The following TNFAIP8 variants were observed in gnomAD, a reference collection of about 807,000 sequenced individuals.
TNFAIP8 encodes the protein tumor necrosis factor alpha-induced protein 8.
In TNFAIP8, 7 loss-of-function variants were observed where a neutral mutation model predicts 13.3. The ratio of observed to expected loss-of-function variants is 0.52; its 90% CI spans 0.30 to 0.99. The LOEUF (loss-of-function observed/expected upper bound fraction) is 0.99, where lower values mean the gene tolerates loss of function less well. TNFAIP8 is among the 50% of genes least tolerant of loss of function. The probability of loss-of-function intolerance (pLI) is 0.07; values close to 1 mark genes in which losing one functional copy is unlikely to be tolerated. For synonymous variants in TNFAIP8, 94 were observed against 87.6 expected, an observed-to-expected ratio of 1.07 and a Z score of -0.41; for missense variants, 258 against 236.9, an observed-to-expected ratio of 1.09 and a Z score of -0.58.
intron 1 of TNFAIP8, among the ~76,000 whole-genome samples, chr5:119,309,394 G>C (rs946660871): frequency 2.6e-5 from 4 of 151,872 alleles, no homozygotes; most frequent in African/African-American, 9.7e-5. Context: ...ATCCTTTTTT[G>C]GTTTCTGGAC....
chr5:119,392,671 G>A, intron 1 of TNFAIP8, 145 bp from the exon 2 acceptor site: 1 of 989,350 alleles, frequency 1.0e-6, no homozygotes, highest in Non-Finnish European at 1.4e-6. Context: ...TTTCTGAACA[G>A]AGACTAATGT....
At chr5:119,335,371 A>G (rs1750520866) in intron 1 of TNFAIP8, among the ~76,000 whole-genome samples, 1 of 152,194 alleles carries the variant, frequency 6.6e-6, no homozygotes, top group Admixed American at 6.5e-5. Context: ...AGTCCATGGC[A>G]TGACTGCTGA....
intron 1 of TNFAIP8, among the ~76,000 whole-genome samples, chr5:119,277,499 A>G (rs1040365742): frequency 6.6e-6 from 1 of 152,140 alleles, no homozygotes; most frequent in Non-Finnish European, 1.5e-5. Flanking sequence ...TTGTGCGCAC[A>G]CTTGGCGTCT....
chr5:119,276,337 C>T (rs529696020), intron 1 of TNFAIP8, among the ~76,000 whole-genome samples: 6 of 152,016 alleles, frequency 3.9e-5, no homozygotes, highest in Non-Finnish European at 5.9e-5. Flanking sequence ...AGGCTGGTCT[C>T]GAACTCCTGA....
intron 1 of TNFAIP8, among the ~76,000 whole-genome samples, chr5:119,288,241 G>A (rs1386408481): frequency 6.6e-6 from 1 of 152,052 alleles, no homozygotes; most frequent in Admixed American, 6.5e-5. Context: ...TTTGTACACA[G>A]TTTTTCATGT....
intron 1 of TNFAIP8, among the ~76,000 whole-genome samples, chr5:119,387,873 T>C (rs1350333215): frequency 2.0e-5 from 3 of 152,180 alleles, no homozygotes; most frequent in Non-Finnish European, 4.4e-5. Flanking sequence ...GTGGTAATGC[T>C]TTGTATTTTT....
chr5:119,316,717 A>T (rs991640478), intron 1 of TNFAIP8, among the ~76,000 whole-genome samples: 7 of 152,190 alleles, frequency 4.6e-5, no homozygotes, highest in Admixed American at 1.3e-4. Flanking sequence ...AGGTATCAGT[A>T]TTTTTAAAAC....
chr5:119,344,135 A>G (rs1750822961), intron 1 of TNFAIP8, among the ~76,000 whole-genome samples: 1 of 152,198 alleles, frequency 6.6e-6, no homozygotes, highest in African/African-American at 2.4e-5. Context: ...ATTTATAAAG[A>G]AAAGAGGTTT....
intron 1 of TNFAIP8, among the ~76,000 whole-genome samples, chr5:119,296,389 G>T (rs1265427916): frequency 6.6e-6 from 1 of 151,800 alleles, no homozygotes; most frequent in African/African-American, 2.4e-5. Context: ...ATAATCATGT[G>T]GTTTTTGTCT....
At chr5:119,284,676 A>C (rs1748724689) in intron 1 of TNFAIP8, among the ~76,000 whole-genome samples, 1 of 151,438 alleles carries the variant, frequency 6.6e-6, no homozygotes, top group South Asian at 2.1e-4. Context: ...GCGAGGCTCC[A>C]TCTAGAAAAA....
intron 1 of TNFAIP8, among the ~76,000 whole-genome samples, chr5:119,288,445 T>A (rs1165465123): frequency 6.6e-6 from 1 of 152,220 alleles, no homozygotes; most frequent in Non-Finnish European, 1.5e-5. Context: ...AACAAATGAT[T>A]TGATTGATGT....
intron 1 of TNFAIP8, among the ~76,000 whole-genome samples, chr5:119,284,599 T>G (rs1345666092): frequency 6.6e-6 from 1 of 151,936 alleles, no homozygotes; most frequent in Non-Finnish European, 1.5e-5. Flanking sequence ...GAGAATCGCT[T>G]GAACCCAGGA....
chr5:119,303,045 C>G (rs1384097192), intron 1 of TNFAIP8, among the ~76,000 whole-genome samples: 3 of 152,146 alleles, frequency 2.0e-5, no homozygotes, highest in Non-Finnish European at 2.9e-5. Flanking sequence ...AGCTCCTCCT[C>G]CCTGTTAGAA....
upstream of TNFAIP8, among the ~76,000 whole-genome samples, chr5:119,353,744 G>A (rs1182918326): frequency 6.6e-6 from 1 of 152,188 alleles, no homozygotes; most frequent in Non-Finnish European, 1.5e-5. Flanking sequence ...TATGTGGTTT[G>A]TCCCCAGTTG....
intron 1 of TNFAIP8, among the ~76,000 whole-genome samples, chr5:119,391,658 C>G (rs1752895291): frequency 6.6e-6 from 1 of 151,106 alleles, no homozygotes; most frequent in African/African-American, 2.4e-5. Context: ...ACTCTGGAGA[C>G]TGAGTTGTGA....
At chr5:119,333,306 C>G in intron 1 of TNFAIP8, 1 of 1,178,794 alleles carries the variant, frequency 8.5e-7, no homozygotes, top group South Asian at 3.0e-5. Context: ...TCTGGACTCA[C>G]AATTAAAGGC....
rs1752957661 is a variant in TNFAIP8 at position 119,393,008 on chromosome 5, T to G, written c.224T>G (p.Leu75Arg). The G allele has an allele frequency of 6.2e-7, 1 of 1,613,254 alleles. No individual in the cohort carries two copies. Among genetic ancestry groups the G allele is most frequent in the Non-Finnish European group, 8.5e-7 (1 of 1,179,560 alleles). Residue 75 changes from leucine to arginine, a missense_variant, in exon 2 of 2, where the codon CTC becomes CGC. Coordinates refer to ENST00000504771, the MANE Select transcript of TNFAIP8 (RefSeq NM_014350.4). Reference sequence around the variant, plus strand: ...GAGGCAGAGAAGATCATCAAGAACCTCATCAAGACAGTCATCAAGCTGGCC... The same window carrying G: ...GAGGCAGAGAAGATCATCAAGAACCGCATCAAGACAGTCATCAAGCTGGCC... ...KKEAEKIIKN[L>R]IKTVIKLAIL...
At chr5:119,391,089 C>T (rs535804350) in intron 1 of TNFAIP8, among the ~76,000 whole-genome samples, 8 of 151,862 alleles carry the variant, frequency 5.3e-5, no homozygotes, top group African/African-American at 1.9e-4. Context: ...CTACCTGGGC[C>T]TGCCAATGTG....
rs746088254 is a variant in TNFAIP8 at position 119,392,978 on chromosome 5, A to G, written c.194A>G (p.Lys65Arg). The G allele has an allele frequency of 2.5e-6, 4 of 1,612,638 alleles. No individual in the cohort carries two copies. The South Asian group carries it at 3.3e-5, about 13-fold the overall frequency. The part of the protein sequence containing the change: ...YRVTREYTQN[K>R]KEAEKIIKNL... ...GTGACCAGGGAGTACACCCAAAACAAGAAGGAGGCAGAGAAGATCATCAAG... is the reference window on the plus strand; with the variant it reads ...GTGACCAGGGAGTACACCCAAAACAGGAAGGAGGCAGAGAAGATCATCAAG... Residue 65 changes from lysine (K) to arginine (R), a missense_variant, in exon 2 of 2, where the codon AAG (lysine) becomes AGG (arginine). By Grantham distance (26) the Lys-to-Arg change is conservative. Transcript: ENST00000504771.
Sources: gnomAD v4.1 joint callset for allele counts (sites outside exome capture counted in the v4.1 genomes callset) on GRCh38, gnomAD v4.1.1 for gene constraint, MANE v1.5 for transcripts, NCBI Gene and HGNC (gene_info 2026-07-23, HGNC 2026-07-21) for gene names.